ASCC3: variants seen among roughly 807,000 people sequenced by gnomAD.
The protein encoded by ASCC3 is ASC-1 complex subunit P200.
Under a neutral mutation model 256.3 loss-of-function variants are expected in ASCC3, and 158 were observed. That is an observed-to-expected ratio of 0.62 (90% CI 0.54 to 0.70). The LOEUF is 0.70. Ranked by LOEUF, ASCC3 falls within the 30% of genes least tolerant of loss-of-function variation. ASCC3 has a pLI of 0.00. For missense variants in ASCC3, 2,259 were observed against 2,626.0 expected (o/e 0.86, Z 3.05); for synonymous variants, 948 against 883.4 (o/e 1.07, Z -1.30).
chr6:100,685,275 G>A (rs987867175), intron 13 of ASCC3, among the ~76,000 whole-genome samples: 1 of 152,204 alleles, frequency 6.6e-6, no homozygotes, highest in African/African-American at 2.4e-5. Context: ...AAAAGCTGAG[G>A]CTTGGGGTAG....
At chr6:100,708,347 A>G (rs745404695) in intron 13 of ASCC3, among the ~76,000 whole-genome samples, 1 of 152,164 alleles carries the variant, frequency 6.6e-6, no homozygotes, top group Admixed American at 6.6e-5. Flanking sequence ...TAGAAATTTT[A>G]GGATGTTGAA....
intron 37 of ASCC3, 40 bp from the exon 38 acceptor site, chr6:100,518,182 T>C (rs1774130360): frequency 6.2e-7 from 1 of 1,610,180 alleles, no homozygotes. Context: ...AATTATATCA[T>C]GGTACTTGCC....
At chr6:100,529,756 C>A (rs1774773814) in intron 37 of ASCC3, among the ~76,000 whole-genome samples, 1 of 152,082 alleles carries the variant, frequency 6.6e-6, no homozygotes, top group South Asian at 2.1e-4. Context: ...GTATATCCAA[C>A]CTGTGCTGAA....
chr6:100,852,092 T>G (rs1013341893), intron 3 of ASCC3, among the ~76,000 whole-genome samples: 6 of 152,212 alleles, frequency 3.9e-5, no homozygotes, highest in Non-Finnish European at 5.9e-5. Flanking sequence ...GGACCCCAGG[T>G]GCTGGGGCCG....
At chr6:100,573,319 G>A (rs1025038110) in intron 36 of ASCC3, among the ~76,000 whole-genome samples, 2 of 151,948 alleles carry the variant, frequency 1.3e-5, no homozygotes, top group Non-Finnish European at 2.9e-5. Flanking sequence ...TGAATCTTTT[G>A]GAAACAGTTG....
At chr6:100,593,413 T>G (rs1421983305) in intron 34 of ASCC3, among the ~76,000 whole-genome samples, 1 of 152,126 alleles carries the variant, frequency 6.6e-6, no homozygotes, top group Non-Finnish European at 1.5e-5. Flanking sequence ...AAAAATTATC[T>G]TTAAAAGATC....
At chr6:100,784,480 A>G (rs1782598964) in intron 8 of ASCC3, among the ~76,000 whole-genome samples, 1 of 152,128 alleles carries the variant, frequency 6.6e-6, no homozygotes, top group African/African-American at 2.4e-5. Flanking sequence ...TAAGAAAAAA[A>G]CAGACACAAG....
At chr6:100,599,595 C>T (rs1452504749) in intron 34 of ASCC3, among the ~76,000 whole-genome samples, 11 of 150,366 alleles carry the variant, frequency 7.3e-5, no homozygotes, top group Admixed American at 7.3e-4. Flanking sequence ...CATGGGGAAG[C>T]TGGGTGAAGG....
rs1224914818 is a variant in ASCC3 at position 100,777,859 on chromosome 6, ATC to A, written c.1396-10516_1396-10515del. On this transcript the variant is annotated intron_variant, in intron 8 of 41. Transcript: ENST00000369162. ...GATTTTTGTTCTCAACACAATTAAA[ATC>A]TCTGCAGGATTTTAAGTAGAAGAAT... Among the ~76,000 whole-genome samples the A allele has an allele frequency of 2.0e-5, 3 of 152,114 alleles. No individual in the cohort carries two copies. In the East Asian group the frequency reaches 5.8e-4, roughly 29 times the overall value.
intron 27 of ASCC3, among the ~76,000 whole-genome samples, chr6:100,628,518 T>A (rs1774367032): frequency 6.6e-6 from 1 of 152,154 alleles, no homozygotes; most frequent in Admixed American, 6.6e-5. Flanking sequence ...TTGGTGCTAT[T>A]CTCATGACAG....
At chr6:100,647,130 G>T in intron 21 of ASCC3, 96 bp downstream of exon 21, 1 of 1,140,980 alleles carries the variant, frequency 8.8e-7, no homozygotes, top group Non-Finnish European at 1.3e-6. Flanking sequence ...TTTTTATTTT[G>T]ATTAATGTGG....
At chr6:100,635,615 G>C (rs1214678910) in intron 25 of ASCC3, among the ~76,000 whole-genome samples, 1 of 152,094 alleles carries the variant, frequency 6.6e-6, no homozygotes, top group Non-Finnish European at 1.5e-5. Context: ...ATAACTATTT[G>C]AAGTGATAGG....
intron 1 of ASCC3, among the ~76,000 whole-genome samples, chr6:100,877,680 T>C (rs1335938603): frequency 6.6e-6 from 1 of 152,096 alleles, no homozygotes; most frequent in Non-Finnish European, 1.5e-5. Flanking sequence ...CCAAACACTG[T>C]AGGCCAAAAA....
At chr6:100,876,253 G>T (rs1773999039) in intron 1 of ASCC3, among the ~76,000 whole-genome samples, 1 of 152,148 alleles carries the variant, frequency 6.6e-6, no homozygotes, top group African/African-American at 2.4e-5. Flanking sequence ...CCACCAAAAT[G>T]ACTCTGATTT....
At chr6:100,514,681 C>T (rs1365290378) in intron 39 of ASCC3, among the ~76,000 whole-genome samples, 1 of 151,614 alleles carries the variant, frequency 6.6e-6, no homozygotes, top group Non-Finnish European at 1.5e-5. Context: ...ATTTCAATAC[C>T]AGCCAAACAT....
At chr6:100,595,116 A>G (rs748281080) in intron 34 of ASCC3, among the ~76,000 whole-genome samples, 12 of 152,122 alleles carry the variant, frequency 7.9e-5, no homozygotes, top group Non-Finnish European at 1.5e-4. Context: ...GACAGAAGGA[A>G]TAAGTTCTGG....
intron 8 of ASCC3, among the ~76,000 whole-genome samples, chr6:100,794,751 CTTTTA>C (rs2114318329): frequency 6.6e-6 from 1 of 152,090 alleles, no homozygotes; most frequent in African/African-American, 2.4e-5. Context: ...TTATATGCAT[CTTTTA>C]TATTACTTTT....
chr6:100,815,951 A>G (rs970104540), intron 4 of ASCC3, among the ~76,000 whole-genome samples: 1 of 152,188 alleles, frequency 6.6e-6, no homozygotes, highest in Non-Finnish European at 1.5e-5. Flanking sequence ...ACAGCAAAAG[A>G]AACTATCAAC....
chr6:100,731,548 C>T (rs895008418), intron 10 of ASCC3, among the ~76,000 whole-genome samples: 3 of 152,190 alleles, frequency 2.0e-5, no homozygotes, highest in Non-Finnish European at 4.4e-5. Context: ...GTAGAGCAGG[C>T]GTCTGCTACA....
Sources: gnomAD v4.1 joint callset for allele counts (sites outside exome capture counted in the v4.1 genomes callset) on GRCh38, gnomAD v4.1.1 for gene constraint, MANE v1.5 for transcripts, NCBI Gene and HGNC (gene_info 2026-07-23, HGNC 2026-07-21) for gene names.